CDH6: variants seen among roughly 807,000 people sequenced by gnomAD.
CDH6 encodes cadherin-6.
In CDH6, 31 loss-of-function variants were observed where a neutral mutation model predicts 78.0. The ratio of observed to expected loss-of-function variants is 0.40; its 90% CI spans 0.30 to 0.54. CDH6 has a LOEUF of 0.54. Among genes scored for constraint, CDH6 ranks in the 20% least tolerant of loss-of-function variants. CDH6 has a pLI of 0.56. For synonymous variants in CDH6, 376 were observed against 368.8 expected (o/e 1.02, Z -0.23); for missense variants, 724 against 975.9 (o/e 0.74, Z 3.44).
intron 1 of CDH6, among the ~76,000 whole-genome samples, chr5:31,212,668 T>C (rs375682090): frequency 6.6e-6 from 1 of 152,124 alleles, no homozygotes; most frequent in East Asian, 1.9e-4. Context: ...CTCTAACCTG[T>C]TTGCCGGCCT....
In CDH6 at chr5:31,233,898, T is replaced by C. The variant is rs571055023; in HGVS notation, c.-128-33448T>C. ...CTGACTATCATTCACTTGCTTCGAG[T>C]GTGTCTCCTCTACTAGAACGTAAAT... On this transcript the variant is annotated intron_variant, in intron 1 of 11. Coordinates refer to ENST00000265071, the MANE Select transcript of CDH6 (RefSeq NM_004932.4). 2.0e-5 allele frequency among the ~76,000 whole-genome samples: 3 copies of C among 152,314 alleles called. No individual in the cohort carries two copies. In the South Asian group the frequency reaches 6.2e-4, roughly 32 times the overall value.
In CDH6 at chr5:31,316,262, A is replaced by G. The variant is rs1372558703; in HGVS notation, c.1445A>G (p.Asn482Ser). ...VPLYIKVLDVNDNAPEFAEFY... is the reference protein window; with the variant it reads ...VPLYIKVLDVSDNAPEFAEFY... ...CTATATATTAAAGTTCTAGATGTCA[A>G]TGACAACGCCCCAGAATTTGCTGAG... Residue 482 changes from asparagine to serine, a missense_variant, in exon 9 of 12, where the codon AAT becomes AGT. By Grantham distance (46) the Asn-to-Ser change is conservative. Coordinates refer to ENST00000265071, the MANE Select transcript of CDH6 (RefSeq NM_004932.4). 2.5e-6 allele frequency: 4 copies of G among 1,613,402 alleles called. No individual in the cohort carries two copies. The highest frequency in any genetic ancestry group is 1.3e-5 in the African/African-American group (1 of 74,916).
intron 1 of CDH6, among the ~76,000 whole-genome samples, chr5:31,259,055 G>A (rs907732554): frequency 6.6e-5 from 10 of 152,190 alleles, no homozygotes; most frequent in African/African-American, 2.2e-4. Flanking sequence ...GGATTGTCAC[G>A]AGAATTCACG....
At chr5:31,272,439 C>G (rs946718365) in intron 2 of CDH6, among the ~76,000 whole-genome samples, 1 of 152,156 alleles carries the variant, frequency 6.6e-6, no homozygotes, top group Non-Finnish European at 1.5e-5. Flanking sequence ...TTTCAGAGAT[C>G]CCTGTAACTC....
chr5:31,328,440 G>A lies in CDH6; in HGVS notation c.*5132G>A, dbSNP rs1004319632. 22 of 206,048 alleles carry A rather than the reference G, an allele frequency of 1.1e-4. No individual in the cohort carries two copies. Among genetic ancestry groups the A allele is most frequent in the African/African-American group, 4.6e-4 (20 of 43,760 alleles). The allele number at this position is 206,048 out of a possible 1,614,324, so 12.8% of individuals were successfully genotyped here. A position where few individuals can be genotyped will look rare whatever the true frequency, so the allele number is the denominator to read the frequency against. On this transcript the variant is annotated 3_prime_UTR_variant, in exon 12 of 12. Coordinates refer to ENST00000265071, the MANE Select transcript of CDH6 (RefSeq NM_004932.4). ...GTATAGAATTACCAGGCATTCGTGG[G>A]GAATGCTGTGTAGCAAATGTAAAAC...
intron 1 of CDH6, among the ~76,000 whole-genome samples, chr5:31,210,783 G>T (rs115030608): frequency 6.6e-6 from 1 of 151,900 alleles, no homozygotes; most frequent in South Asian, 2.1e-4. Context: ...CTGTATTTTT[G>T]TACTTGTATT....
In CDH6 at chr5:31,299,514, T is replaced by A. The variant is rs748520639; in HGVS notation, c.694T>A (p.Tyr232Asn). Residue 232 changes from tyrosine to asparagine, a missense_variant, in exon 5 of 12, where the codon TAC (tyrosine) becomes AAC (asparagine). Around this residue, in one of 3 missense-constraint regions of CDH6, gnomAD observed 446 missense variants for 684.5 expected, o/e 0.65. Transcript: ENST00000265071. ...CATGGATCGAGAAAACAGGGAGCAG[T>A]ACCAAGTGGTGATTCAAGCCAAGGA... Reference protein sequence around the residue: ...LNMDRENREQYQVVIQAKDMG... With the variant: ...LNMDRENREQNQVVIQAKDMG... The A allele has an allele frequency of 4.3e-6, 7 of 1,613,818 alleles. No individual in the cohort carries two copies. Among genetic ancestry groups the A allele is most frequent in the Non-Finnish European group, 5.1e-6 (6 of 1,179,872 alleles).
chr5:31,310,309 C>T (rs1738111231), intron 7 of CDH6, among the ~76,000 whole-genome samples: 1 of 152,216 alleles, frequency 6.6e-6, no homozygotes, highest in African/African-American at 2.4e-5. Context: ...CATGTCTCAC[C>T]CCTAGGGCAC....
At chr5:31,315,988 G>T (rs1342783680) in intron 8 of CDH6, among the ~76,000 whole-genome samples, 1 of 152,092 alleles carries the variant, frequency 6.6e-6, no homozygotes, top group Non-Finnish European at 1.5e-5. Flanking sequence ...AACACAAGTG[G>T]CTTTGTCACC....
chr5:31,288,849 A>G (rs1177538850), intron 2 of CDH6, among the ~76,000 whole-genome samples: 1 of 152,198 alleles, frequency 6.6e-6, no homozygotes, highest in Non-Finnish European at 1.5e-5. Context: ...TCAATATTTC[A>G]TTTTAGCCAA....
At chr5:31,221,125 T>G (rs1740994641) in intron 1 of CDH6, among the ~76,000 whole-genome samples, 1 of 152,230 alleles carries the variant, frequency 6.6e-6, no homozygotes. Context: ...ATGTTCATTA[T>G]GCAAGCACAG....
At chr5:31,237,761 G>A (rs1230941542) in intron 1 of CDH6, among the ~76,000 whole-genome samples, 1 of 151,868 alleles carries the variant, frequency 6.6e-6, no homozygotes, top group Non-Finnish European at 1.5e-5. Flanking sequence ...TTTTTTCCGG[G>A]AGACAAAGGA....
At chr5:31,243,660 G>C (rs942907970) in intron 1 of CDH6, among the ~76,000 whole-genome samples, 1 of 152,068 alleles carries the variant, frequency 6.6e-6, no homozygotes, top group Non-Finnish European at 1.5e-5. Context: ...TTCTCTCCTG[G>C]GAGGCATCAT....
intron 7 of CDH6, among the ~76,000 whole-genome samples, chr5:31,307,723 A>G (rs1407995619): frequency 6.6e-6 from 1 of 152,226 alleles, no homozygotes; most frequent in Non-Finnish European, 1.5e-5. Context: ...TTAATGCTAG[A>G]AGTTTACAAA....
rs77494729 is a variant in CDH6, at chr5:31,295,785, T to G, written c.524-1504T>G. ...TTCTCTGATCCTCTAGTTTTGTATC[T>G]TGAAAAAATAAATAATAAATGTCAA... On this transcript the variant is annotated intron_variant, in intron 3 of 11. Coordinates refer to ENST00000265071, the MANE Select transcript of CDH6 (RefSeq NM_004932.4). 3.1e-3 allele frequency among the ~76,000 whole-genome samples: 475 copies of G among 152,266 alleles called. 11 individuals are homozygous for G. In the South Asian group the frequency reaches 0.047, roughly 15 times the overall value.
At chr5:31,260,993 C>T (rs140759863) in intron 1 of CDH6, among the ~76,000 whole-genome samples, 10 of 152,260 alleles carry the variant, frequency 6.6e-5, no homozygotes, top group Admixed American at 6.5e-4. Flanking sequence ...AGCAGGTGGC[C>T]ACCTATTCAA....
At chr5:31,267,821 G>C in intron 2 of CDH6, 120 bp downstream of exon 2, 1 of 749,930 alleles carries the variant, frequency 1.3e-6, no homozygotes, top group Non-Finnish European at 2.2e-6. Context: ...TGCTTAACTG[G>C]TAAGACTTTT....
At position 31,293,954 on chromosome 5, in the gene CDH6, T is replaced by C; in HGVS notation, c.229-8T>C. The stretch of plus-strand genomic sequence containing the variant: ...TTTACTTTCTTTAATTTTTTTTTTC[T>C]ACACTAGTTACATTCAGACCAGGAT... On this transcript the variant is annotated splice_region_variant and splice_polypyrimidine_tract_variant and intron_variant, in intron 2 of 11. Coordinates refer to ENST00000265071, the MANE Select transcript of CDH6 (RefSeq NM_004932.4). The C allele has an allele frequency of 6.5e-7, 1 of 1,538,768 alleles. No homozygotes were observed. Among genetic ancestry groups the C allele is most frequent in the Non-Finnish European group, 8.8e-7 (1 of 1,139,466 alleles).
At chr5:31,280,268 G>T (rs938963577) in intron 2 of CDH6, among the ~76,000 whole-genome samples, 14 of 152,190 alleles carry the variant, frequency 9.2e-5, no homozygotes, top group Non-Finnish European at 1.5e-4. Context: ...AGTGAAGATA[G>T]GGAGCAATGA....
Sources: allele counts gnomAD v4.1 joint callset (sites outside exome capture counted in the v4.1 genomes callset), GRCh38; gene constraint gnomAD v4.1.1; regional missense constraint gnomAD v4.1.1; transcripts MANE v1.5; gene names NCBI Gene and HGNC (gene_info 2026-07-23, HGNC 2026-07-21).